The following SCN9A variants were observed in gnomAD, a reference collection of about 807,000 sequenced individuals.
The protein encoded by SCN9A is sodium voltage-gated channel alpha subunit 9.
In SCN9A, 131 loss-of-function variants were observed where a neutral mutation model predicts 187.0. The observed-to-expected ratio is 0.70, with a 90% confidence interval of 0.61 to 0.81. The LOEUF (loss-of-function observed/expected upper bound fraction) is 0.81. SCN9A is among the 30% of genes least tolerant of loss of function. The probability of loss-of-function intolerance (pLI) is 0.00; values close to 1 mark genes in which losing one functional copy is unlikely to be tolerated. For missense variants in SCN9A, 2,252 were observed against 2,396.6 expected (o/e 0.94, Z 1.26); for synonymous variants, 809 against 808.6 (o/e 1.00, Z -0.01).
chr2:166,206,576 T>A (rs552459529), intron 24 of SCN9A, among the ~76,000 whole-genome samples: 2 of 152,138 alleles, frequency 1.3e-5, no homozygotes, highest in African/African-American at 2.4e-5. Flanking sequence ...GATGAGTTGA[T>A]TGGTGCAGCA....
At position 166,198,521 on chromosome 2, in the gene SCN9A, C is replaced by T; in HGVS notation, c.*151G>A. Reference sequence around the variant, plus strand: ...AAAAATAACCATCTGCTAATGCTGCCCACCTTTCTTAGGAAATCAGAGTTA... The same window carrying T: ...AAAAATAACCATCTGCTAATGCTGCTCACCTTTCTTAGGAAATCAGAGTTA... On this transcript the variant is annotated 3_prime_UTR_variant, in exon 27 of 27. Coordinates refer to ENST00000642356, the MANE Select transcript of SCN9A (RefSeq NM_001365536.1). 1.6e-6 allele frequency: 1 copy of T among 613,588 alleles called. No individual in the cohort carries two copies. The allele number at this position is 613,588 out of a possible 1,614,324, so 38.0% of individuals were successfully genotyped here. A position where few individuals can be genotyped will look rare whatever the true frequency, so the allele number is the denominator to read the frequency against.
intron 24 of SCN9A, among the ~76,000 whole-genome samples, chr2:166,223,084 T>A (rs1694694277): frequency 6.6e-6 from 1 of 150,594 alleles, no homozygotes; most frequent in South Asian, 2.1e-4. Flanking sequence ...GGCAAGGATA[T>A]GGAGAAATTA....
intron 17 of SCN9A, among the ~76,000 whole-genome samples, chr2:166,269,447 A>G (rs534216196): frequency 6.6e-6 from 1 of 152,126 alleles, no homozygotes; most frequent in East Asian, 1.9e-4. Context: ...TGTGTTTCAA[A>G]TGGACAAAGA....
At chr2:166,320,651 G>A (rs1699215164) in intron 1 of SCN9A, among the ~76,000 whole-genome samples, 1 of 152,092 alleles carries the variant, frequency 6.6e-6, no homozygotes, top group Admixed American at 6.5e-5. Context: ...CCTATTATCT[G>A]ACACCAATTC....
chr2:166,202,189 A>G lies in SCN9A; in HGVS notation c.4774+1766T>C, dbSNP rs557515940. Among the ~76,000 whole-genome samples the G allele has an allele frequency of 3.5e-5, 5 of 144,062 alleles. No individual in the cohort carries two copies. The East Asian group carries it at 8.2e-4, about 24-fold the overall frequency. 94.5% of individuals were successfully genotyped at this position (144,062 alleles called of 152,430 possible). On this transcript the variant is annotated intron_variant, in intron 26 of 26. Transcript: ENST00000642356. ...GAATATTTTGTTTTTTTGTGCAGTC[A>G]TTTCTTCTTCATTTTTTTTTTTGGC...
At chr2:166,245,762 A>C (rs1197066788) in intron 18 of SCN9A, among the ~76,000 whole-genome samples, 1 of 151,982 alleles carries the variant, frequency 6.6e-6, no homozygotes, top group Non-Finnish European at 1.5e-5. Context: ...ATATTTCTAA[A>C]AGATTGATCT....
intron 22 of SCN9A, 104 bp downstream of exon 22, chr2:166,228,587 T>G (rs1694945374): frequency 8.8e-7 from 1 of 1,138,770 alleles, no homozygotes; most frequent in Admixed American, 2.3e-5. Flanking sequence ...AACCACACAG[T>G]ATTTTATCTT....
Position 166,203,944 on chromosome 2 carries a change from A to G in SCN9A, c.4774+11T>C. 1 of 1,489,428 alleles carries G rather than the reference A, an allele frequency of 6.7e-7. No homozygotes were observed. The highest frequency in any genetic ancestry group is 2.3e-5 in the East Asian group (1 of 43,002). The allele number at this position is 1,489,428 out of a possible 1,614,324, so 92.3% of individuals were successfully genotyped here. A position where few individuals can be genotyped will look rare whatever the true frequency, so the allele number is the denominator to read the frequency against. On this transcript the variant is annotated intron_variant, in intron 26 of 26. Coordinates refer to ENST00000642356, the MANE Select transcript of SCN9A (RefSeq NM_001365536.1). ...CTCAAAAAATAAAATCTGAAAAATAAATATTCTTACCTACAATGGAGATAA... is the reference window on the plus strand; with the variant it reads ...CTCAAAAAATAAAATCTGAAAAATAGATATTCTTACCTACAATGGAGATAA...
chr2:166,226,278 C>T (rs1472898672), intron 24 of SCN9A, among the ~76,000 whole-genome samples: 1 of 152,074 alleles, frequency 6.6e-6, no homozygotes, highest in African/African-American at 2.4e-5. Context: ...ATTCAATCCT[C>T]TATAGGAAAC....
chr2:166,261,524 T>C (rs1172884681), intron 17 of SCN9A, among the ~76,000 whole-genome samples: 4 of 151,878 alleles, frequency 2.6e-5, no homozygotes, highest in African/African-American at 9.7e-5. Flanking sequence ...AAAAAACACA[T>C]GTGAAGATTG....
intron 20 of SCN9A, among the ~76,000 whole-genome samples, chr2:166,233,777 T>G (rs564686810): frequency 6.6e-6 from 1 of 152,290 alleles, no homozygotes; most frequent in East Asian, 1.9e-4. Flanking sequence ...AATCTAAAAA[T>G]TTAATTAGAA....
Position 166,228,892 on chromosome 2 carries a change from G to C in SCN9A, c.4005C>G (p.Phe1335Leu). 6.2e-7 allele frequency: 1 copy of C among 1,613,460 alleles called. No homozygotes were observed. The highest frequency in any genetic ancestry group is 8.5e-7 in the Non-Finnish European group (1 of 1,179,432). Residue 1335 changes from phenylalanine (F) to leucine (L), a missense_variant, in exon 22 of 27, where the codon TTC (phenylalanine) becomes TTG (leucine). Phe to Leu is a conservative substitution (Grantham distance 22). Transcript: ENST00000642356. The part of the protein sequence containing the change: ...LLVCLIFWLI[F>L]SIMGVNLFAG... ...CAAACAAATTTACTCCCATGATGCT[G>C]AATATCAGCCAGAATATAAGACACA...
chr2:166,326,910 A>G (rs1329273090), intron 1 of SCN9A, among the ~76,000 whole-genome samples: 1 of 152,106 alleles, frequency 6.6e-6, no homozygotes, highest in Non-Finnish European at 1.5e-5. Context: ...CATTCAGATA[A>G]CTAAAGGTTC....
intron 1 of SCN9A, among the ~76,000 whole-genome samples, chr2:166,373,631 A>C (rs1347101313): frequency 6.6e-6 from 1 of 152,198 alleles, no homozygotes; most frequent in Non-Finnish European, 1.5e-5. Context: ...AGAGCAATCA[A>C]AGGTGATTTC....
intron 1 of SCN9A, among the ~76,000 whole-genome samples, chr2:166,358,108 T>C (rs1338590628): frequency 6.6e-6 from 1 of 151,678 alleles, no homozygotes; most frequent in African/African-American, 2.4e-5. Flanking sequence ...GCTCTCTCAT[T>C]GCCCAGGCTG....
intron 1 of SCN9A, among the ~76,000 whole-genome samples, chr2:166,342,634 C>T (rs1479116504): frequency 6.6e-6 from 1 of 152,034 alleles, no homozygotes; most frequent in Non-Finnish European, 1.5e-5. Context: ...TAAAAGATCT[C>T]CCAATAAATG....
In SCN9A at chr2:166,321,793, CTTTT is replaced by C. The variant is rs142400656; in HGVS notation, c.-50-9991_-50-9988del. 2.2e-3 allele frequency among the ~76,000 whole-genome samples: 267 copies of C among 118,758 alleles called. 2 individuals carry two copies. The highest frequency in any genetic ancestry group is 4.4e-3 in the African/African-American group (134 of 30,394). The allele number at this position is 118,758 out of a possible 152,430, so 77.9% of individuals were successfully genotyped here. A position where few individuals can be genotyped will look rare whatever the true frequency, so the allele number is the denominator to read the frequency against. On this transcript the variant is annotated intron_variant, in intron 1 of 26. Coordinates refer to ENST00000642356, the MANE Select transcript of SCN9A (RefSeq NM_001365536.1). ...CATTCCAATTATAGCCTGGCAAAATCTTTTTTTTTTTTTTTTTTTGGTAACTCTT... is the reference window on the plus strand; with the variant it reads ...CATTCCAATTATAGCCTGGCAAAATCTTTTTTTTTTTTTTTGGTAACTCTT...
intron 1 of SCN9A, among the ~76,000 whole-genome samples, chr2:166,340,575 TTTC>T (rs1487031829): frequency 3.8e-5 from 3 of 78,130 alleles, no homozygotes; most frequent in Non-Finnish European, 7.2e-5. Flanking sequence ...TCTTTCTTTC[TTTC>T]TTTCTTTCTT....
At position 166,230,914 on chromosome 2, in the gene SCN9A, A is replaced by T. The variant is rs188070370; in HGVS notation, c.3925-1942T>A. 6.9e-3 allele frequency among the ~76,000 whole-genome samples: 1,053 copies of T among 152,288 alleles called. 9 individuals carry two copies. Among genetic ancestry groups the T allele is most frequent in the Non-Finnish European group, 0.01 (690 of 68,022 alleles). The stretch of plus-strand genomic sequence containing the variant: ...GAGAAGCCAGTTGGGAAAGCTAAAG[A>T]GCCTAAGGACTCAAACAAGCTGACT... On this transcript the variant is annotated intron_variant, in intron 21 of 26. Transcript: ENST00000642356.
Sources: allele counts gnomAD v4.1 joint callset (sites outside exome capture counted in the v4.1 genomes callset), GRCh38; gene constraint gnomAD v4.1.1; transcripts MANE v1.5; gene names NCBI Gene and HGNC (gene_info 2026-07-23, HGNC 2026-07-21).